NEBL: variants seen among roughly 807,000 people sequenced by gnomAD.
NEBL encodes the protein LIM and SH3 protein 2.
NEBL carries 122 observed loss-of-function variants against 140.2 expected under a neutral mutation model. The observed-to-expected ratio is 0.87, with a 90% CI of 0.75 to 1.01. The LOEUF (loss-of-function observed/expected upper bound fraction) is 1.01, where lower values mean the gene tolerates loss of function less well. Ranked by LOEUF, NEBL falls within the 50% of genes least tolerant of loss-of-function variation. NEBL has a pLI of 0.00. For synonymous variants in NEBL, 436 were observed against 398.9 expected, an observed-to-expected ratio of 1.09 and a Z score of -1.11; for missense variants, 1,365 against 1,231.3, an observed-to-expected ratio of 1.11 and a Z score of -1.62.
intron 4 of NEBL, among the ~76,000 whole-genome samples, chr10:20,940,819 T>A (rs942305546): frequency 6.6e-6 from 1 of 152,036 alleles, no homozygotes; most frequent in Admixed American, 6.5e-5. Context: ...TCTACGCAAA[T>A]AAACTAGAAA....
At chr10:21,088,727 T>C (rs1836767460) in intron 2 of NEBL, among the ~76,000 whole-genome samples, 1 of 152,206 alleles carries the variant, frequency 6.6e-6, no homozygotes, top group Non-Finnish European at 1.5e-5. Context: ...CAGTGGAAGA[T>C]GGACTGTACC....
chr10:20,829,831 A>G (rs905796302), intron 16 of NEBL, among the ~76,000 whole-genome samples: 3 of 152,136 alleles, frequency 2.0e-5, no homozygotes, highest in Non-Finnish European at 2.9e-5. Flanking sequence ...TTGTAATACT[A>G]TATTTACATG....
intron 3 of NEBL, among the ~76,000 whole-genome samples, chr10:21,017,183 GATA>G (rs111263742): frequency 0.016 from 2,413 of 152,044 alleles, 67 homozygotes; most frequent in African/African-American, 0.055. Context: ...CCTAAATAGA[GATA>G]ATAATAAACA....
At chr10:21,067,181 C>T (rs1314516475) in intron 2 of NEBL, among the ~76,000 whole-genome samples, 1 of 152,008 alleles carries the variant, frequency 6.6e-6, no homozygotes, top group Non-Finnish European at 1.5e-5. Context: ...CCGTGTTAGC[C>T]AGGATGGTCT....
intron 3 of NEBL, among the ~76,000 whole-genome samples, chr10:21,196,591 C>T (rs113606324): frequency 0.026 from 3,862 of 151,160 alleles, 75 homozygotes; most frequent in Non-Finnish European, 0.027. Context: ...GTGATCCGCC[C>T]GCCTCAGTCT....
chr10:20,858,235 C>CT lies in NEBL; in HGVS notation c.903+4dup, dbSNP rs1564391383. ...ACTACGGTTGCCGCTAGATGAACCA[C>CT]TTACGCCGCTGAGCATTTTGCTGGC... is the stretch of plus-strand genomic sequence containing the variant. On this transcript the variant is annotated splice_donor_region_variant and intron_variant, in intron 9 of 27. Transcript: ENST00000377122. 2 of 1,591,742 alleles carry CT rather than the reference C, an allele frequency of 1.3e-6. No individual in the cohort carries two copies. Among genetic ancestry groups the CT allele is most frequent in the Admixed American group, 1.7e-5 (1 of 59,978 alleles).
intron 3 of NEBL, among the ~76,000 whole-genome samples, chr10:20,965,465 G>A (rs936461905): frequency 6.6e-6 from 1 of 152,156 alleles, no homozygotes; most frequent in Admixed American, 6.5e-5. Flanking sequence ...TGCAGGCAGA[G>A]GGAACAGACA....
chr10:21,227,486 A>G (rs1047826965), intron 3 of NEBL, among the ~76,000 whole-genome samples: 1 of 152,246 alleles, frequency 6.6e-6, no homozygotes, highest in Admixed American at 6.5e-5. Context: ...ATCACCAGAA[A>G]TGGTTTCCCG....
intron 4 of NEBL, among the ~76,000 whole-genome samples, chr10:20,949,716 G>A (rs1835362888): frequency 6.6e-6 from 1 of 151,908 alleles, no homozygotes; most frequent in Non-Finnish European, 1.5e-5. Flanking sequence ...ATAGAATACT[G>A]TGGTTTGATT....
chr10:20,997,508 A>C (rs1369982236), intron 3 of NEBL, among the ~76,000 whole-genome samples: 1 of 135,254 alleles, frequency 7.4e-6, no homozygotes, highest in East Asian at 2.6e-4. Flanking sequence ...AAAAAAAAAA[A>C]AAAAAACAGA....
chr10:20,980,182 T>C (rs932047857), intron 3 of NEBL, among the ~76,000 whole-genome samples: 3 of 152,150 alleles, frequency 2.0e-5, no homozygotes, highest in Non-Finnish European at 2.9e-5. Flanking sequence ...TTGTAGCCTA[T>C]ACAGAAGTAT....
chr10:21,175,424 C>T (rs140707301), upstream of NEBL, among the ~76,000 whole-genome samples: 6 of 152,320 alleles, frequency 3.9e-5, no homozygotes, highest in Admixed American at 2.6e-4. Context: ...GAACACATTC[C>T]GTTGCTAGCG....
intron 4 of NEBL, among the ~76,000 whole-genome samples, chr10:20,955,189 G>A (rs1835733824): frequency 6.6e-6 from 1 of 152,306 alleles, no homozygotes; most frequent in South Asian, 2.1e-4. Context: ...ACCATCTGGT[G>A]CATTCTTTCA....
At chr10:21,034,158 C>A (rs1404808672) in intron 2 of NEBL, among the ~76,000 whole-genome samples, 1 of 130,284 alleles carries the variant, frequency 7.7e-6, no homozygotes, top group Non-Finnish European at 1.6e-5. Context: ...CAGAGCAAGA[C>A]CCTATCTCGA....
chr10:21,120,200 C>T (rs535963905), intron 2 of NEBL, among the ~76,000 whole-genome samples: 3 of 151,206 alleles, frequency 2.0e-5, no homozygotes, highest in Admixed American at 2.0e-4. Context: ...TATAGGGAGA[C>T]CCTGTCTCTA....
At chr10:20,904,859 G>A (rs1033748928) in intron 4 of NEBL, among the ~76,000 whole-genome samples, 1 of 152,252 alleles carries the variant, frequency 6.6e-6, no homozygotes, top group African/African-American at 2.4e-5. Context: ...GAGCCAGAAA[G>A]AGAGCAGGCT....
chr10:21,029,894 A>G, intron 2 of NEBL: 1 of 637,666 alleles, frequency 1.6e-6, no homozygotes, highest in South Asian at 1.7e-5. Flanking sequence ...AGGGACCGCT[A>G]TGAAGACCGA....
chr10:21,191,192 T>C (rs1841567843), intron 3 of NEBL, among the ~76,000 whole-genome samples: 1 of 152,210 alleles, frequency 6.6e-6, no homozygotes, highest in South Asian at 2.1e-4. Flanking sequence ...CCCCAAGTAC[T>C]CTTAAATCTG....
chr10:21,156,954 T>C (rs1840359236), intron 2 of NEBL, among the ~76,000 whole-genome samples: 1 of 152,200 alleles, frequency 6.6e-6, no homozygotes, highest in South Asian at 2.1e-4. Context: ...TTCTTGCCAT[T>C]TGAAACTGAA....
Sources: allele counts gnomAD v4.1 joint callset (sites outside exome capture counted in the v4.1 genomes callset), GRCh38; gene constraint gnomAD v4.1.1; transcripts MANE v1.5; gene names NCBI Gene and HGNC (gene_info 2026-07-23, HGNC 2026-07-21).